ARL15: variants seen among roughly 807,000 people sequenced by gnomAD.
ARL15 encodes the protein ADP-ribosylation factor-like protein 15.
ARL15 carries 19 observed loss-of-function variants against 25.2 expected under a neutral mutation model. The ratio of observed to expected loss-of-function variants is 0.75; its 90% confidence interval spans 0.53 to 1.10. The LOEUF is 1.10. Ranked by LOEUF, ARL15 falls within the 50% of genes least tolerant of loss-of-function variation. The pLI is 0.00. For synonymous variants in ARL15, 94 were observed against 86.8 expected (o/e 1.08, Z -0.46); for missense variants, 220 against 246.0 (o/e 0.89, Z 0.71).
intron 4 of ARL15, among the ~76,000 whole-genome samples, chr5:53,894,405 T>C (rs1744808373): frequency 6.6e-6 from 1 of 152,184 alleles, no homozygotes; most frequent in Non-Finnish European, 1.5e-5. Flanking sequence ...AATAAAATGA[T>C]CCCATTAGCT....
At chr5:54,143,936 ATT>A (rs956158681) in intron 3 of ARL15, among the ~76,000 whole-genome samples, 1 of 151,832 alleles carries the variant, frequency 6.6e-6, no homozygotes, top group Non-Finnish European at 1.5e-5. Flanking sequence ...ATAAACTTCA[ATT>A]TTTTTCTTCT....
rs548410711 is a variant in ARL15, at chr5:53,897,495, G to A, written c.463-10782C>T. 1.3e-4 allele frequency among the ~76,000 whole-genome samples: 20 copies of A among 152,178 alleles called. No homozygotes were observed. In the South Asian group the frequency reaches 2.9e-3, roughly 22 times the overall value. ...CATTTTGTTTATCCATTTATTGGTCGGGTTCTACTTTTTGGCTATTATAAA... is the reference window on the plus strand; with the variant it reads ...CATTTTGTTTATCCATTTATTGGTCAGGTTCTACTTTTTGGCTATTATAAA... On this transcript the variant is annotated intron_variant, in intron 4 of 4. Coordinates refer to ENST00000504924, the MANE Select transcript of ARL15 (RefSeq NM_019087.3).
intron 4 of ARL15, among the ~76,000 whole-genome samples, chr5:53,964,148 C>T (rs752869911): frequency 6.6e-5 from 10 of 152,110 alleles, no homozygotes; most frequent in East Asian, 1.9e-4. Flanking sequence ...CTACCTGTTC[C>T]TCCCTCATCT....
intron 1 of ARL15, among the ~76,000 whole-genome samples, chr5:54,199,302 A>G (rs950541387): frequency 6.6e-6 from 1 of 151,996 alleles, no homozygotes; most frequent in Non-Finnish European, 1.5e-5. Flanking sequence ...CAAATGGGAT[A>G]TAATTAAACT....
Position 54,247,222 on chromosome 5 carries a change from G to GT in ARL15, c.48+63209dup, listed in dbSNP as rs34487160. Reference sequence around the variant, plus strand: ...CTAGAAATTAAGGAGTTAAAGTTTTGTTTTTTTTTTTTAAGGAAATTGTTT... The same window carrying GT: ...CTAGAAATTAAGGAGTTAAAGTTTTGTTTTTTTTTTTTTAAGGAAATTGTTT... On this transcript the variant is annotated intron_variant, in intron 1 of 4. Transcript: ENST00000504924. Among the ~76,000 whole-genome samples, 514 of 146,040 alleles carry GT rather than the reference G, an allele frequency of 3.5e-3. 2 individuals carry two copies. Among genetic ancestry groups the GT allele is most frequent in the South Asian group, 0.012 (58 of 4,644 alleles).
intron 4 of ARL15, among the ~76,000 whole-genome samples, chr5:54,018,285 T>C (rs1749489280): frequency 6.6e-6 from 1 of 152,208 alleles, no homozygotes; most frequent in South Asian, 2.1e-4. Context: ...TTTTCAACAG[T>C]ATGTCATTAA....
At chr5:53,985,288 T>A (rs1616049) in intron 4 of ARL15, among the ~76,000 whole-genome samples, 54,430 of 151,860 alleles carry the variant, frequency 0.36, 10,643 homozygotes, top group Middle Eastern at 0.46. Context: ...CAGATTTTTT[T>A]AAAAAACTGT....
intron 3 of ARL15, among the ~76,000 whole-genome samples, chr5:54,151,027 C>T (rs1214807822): frequency 2.6e-5 from 4 of 152,070 alleles, no homozygotes; most frequent in Admixed American, 6.6e-5. Flanking sequence ...TACCAACCTC[C>T]GGCTCCAAAT....
chr5:53,949,173 T>C (rs921937676), intron 4 of ARL15, among the ~76,000 whole-genome samples: 1 of 152,214 alleles, frequency 6.6e-6, no homozygotes, highest in Non-Finnish European at 1.5e-5. Flanking sequence ...TACAATGATT[T>C]AATTCCCATT....
rs1003319903 is a variant in ARL15, at chr5:54,084,095, C to G, written c.462+29107G>C. Among the ~76,000 whole-genome samples, 7 of 152,274 alleles carry G rather than the reference C, an allele frequency of 4.6e-5. No homozygotes were observed. The East Asian group carries it at 1.4e-3, about 29-fold the overall frequency. On this transcript the variant is annotated intron_variant, in intron 4 of 4. Coordinates refer to ENST00000504924, the MANE Select transcript of ARL15 (RefSeq NM_019087.3). ...CTCATCTCAGAGGAAACCAGGAAGTCTTCCAGGAGGACCACTGGACATTAG... is the reference window on the plus strand; with the variant it reads ...CTCATCTCAGAGGAAACCAGGAAGTGTTCCAGGAGGACCACTGGACATTAG...
At chr5:53,892,427 G>T (rs185049198) in intron 4 of ARL15, among the ~76,000 whole-genome samples, 1 of 152,198 alleles carries the variant, frequency 6.6e-6, no homozygotes, top group Non-Finnish European at 1.5e-5. Context: ...CAAGCTGGAA[G>T]ATGATGCAAG....
At chr5:54,092,070 A>ACACACACACACACACCAC (rs746618758) in intron 4 of ARL15, among the ~76,000 whole-genome samples, 1 of 151,460 alleles carries the variant, frequency 6.6e-6, no homozygotes. Context: ...ACACACACAC[A>ACACACACACACACACCAC]CACCACCACC....
At chr5:53,900,325 C>T (rs1745023459) in intron 4 of ARL15, among the ~76,000 whole-genome samples, 1 of 152,156 alleles carries the variant, frequency 6.6e-6, no homozygotes, top group African/African-American at 2.4e-5. Flanking sequence ...GGCCTGCAAT[C>T]TGTGAACTTT....
At chr5:54,299,216 T>C (rs966019110) in intron 1 of ARL15, among the ~76,000 whole-genome samples, 6 of 152,206 alleles carry the variant, frequency 3.9e-5, no homozygotes, top group Non-Finnish European at 7.3e-5. Flanking sequence ...AGTTCCTCTT[T>C]GGTTCCTTTA....
chr5:53,969,645 T>C (rs914706646), intron 4 of ARL15, among the ~76,000 whole-genome samples: 4 of 152,138 alleles, frequency 2.6e-5, no homozygotes, highest in Non-Finnish European at 4.4e-5. Flanking sequence ...TTAATATTTT[T>C]AAAAAATCTA....
chr5:54,204,093 T>G (rs1348607413), intron 1 of ARL15, among the ~76,000 whole-genome samples: 1 of 152,058 alleles, frequency 6.6e-6, no homozygotes, highest in Non-Finnish European at 1.5e-5. Context: ...AAAATTTGAG[T>G]GGTAAAGGAC....
chr5:54,029,357 CACCACCACCACCACCACCACT>C (rs1463376634), intron 4 of ARL15, among the ~76,000 whole-genome samples: 10 of 138,540 alleles, frequency 7.2e-5, no homozygotes, highest in Non-Finnish European at 1.6e-4. Flanking sequence ...CCACCACCAC[CACCACCACCACCACCACCACT>C]ACACCTAGAG....
chr5:54,144,699 G>T (rs1407551149), intron 3 of ARL15, among the ~76,000 whole-genome samples: 1 of 152,050 alleles, frequency 6.6e-6, no homozygotes, highest in Non-Finnish European at 1.5e-5. Context: ...ACCATTGTCT[G>T]TTTCCAGTGA....
chr5:54,086,134 G>A (rs897889283), intron 4 of ARL15, among the ~76,000 whole-genome samples: 1 of 151,970 alleles, frequency 6.6e-6, no homozygotes, highest in South Asian at 2.1e-4. Flanking sequence ...GAGTGGTCTC[G>A]ACCTCCCGAC....
Sources: allele counts gnomAD v4.1 joint callset (sites outside exome capture counted in the v4.1 genomes callset), GRCh38; gene constraint gnomAD v4.1.1; transcripts MANE v1.5; gene names NCBI Gene and HGNC (gene_info 2026-07-23, HGNC 2026-07-21).